IRAK2: variants seen among roughly 807,000 people sequenced by gnomAD.
IRAK2 encodes interleukin 1 receptor associated kinase 2, also known as interleukin-1 receptor-associated kinase-like 2.
IRAK2 carries 57 observed loss-of-function variants against 72.0 expected under a neutral mutation model. The ratio of observed to expected loss-of-function variants is 0.79; its 90% CI spans 0.64 to 0.99. IRAK2 has a LOEUF of 0.99. Ranked by LOEUF, IRAK2 falls within the 50% of genes least tolerant of loss-of-function variation. IRAK2 has a pLI of 0.00. For synonymous variants in IRAK2, 293 were observed against 312.7 expected (o/e 0.94, Z 0.67); for missense variants, 790 against 794.4 (o/e 0.99, Z 0.07).
chr3:10,214,407 T>TC (rs1204608357), intron 6 of IRAK2, among the ~76,000 whole-genome samples: 3 of 147,310 alleles, frequency 2.0e-5, no homozygotes, highest in African/African-American at 7.6e-5. Flanking sequence ...TTTTTTTTTT[T>TC]TTTTGTAGAG....
At chr3:10,191,783 G>GCAC (rs1697179427) in intron 2 of IRAK2, among the ~76,000 whole-genome samples, 1 of 152,254 alleles carries the variant, frequency 6.6e-6, no homozygotes, top group Admixed American at 6.5e-5. Context: ...TCAGCATAGA[G>GCAC]CACCTCCCAG....
At chr3:10,217,206 G>C (rs1314841087) in intron 7 of IRAK2, among the ~76,000 whole-genome samples, 158 bp downstream of exon 7, 1 of 152,138 alleles carries the variant, frequency 6.6e-6, no homozygotes, top group Non-Finnish European at 1.5e-5. Flanking sequence ...CATAAGATCT[G>C]GTTAAGTGCT....
chr3:10,167,287 T>C (rs1349413773), intron 1 of IRAK2, among the ~76,000 whole-genome samples: 1 of 152,204 alleles, frequency 6.6e-6, no homozygotes, highest in Non-Finnish European at 1.5e-5. Flanking sequence ...TCCATTTTCC[T>C]GAGTTTTAGA....
Position 10,222,785 on chromosome 3 carries a change from G to A in IRAK2, c.1163G>A (p.Arg388Gln), listed in dbSNP as rs769170523. The A allele has an allele frequency of 8.7e-6, 14 of 1,614,060 alleles. No individual in the cohort carries two copies. Among genetic ancestry groups the A allele is most frequent in the African/African-American group, 6.7e-5 (5 of 74,916 alleles). Residue 388 changes from arginine to glutamine, a missense_variant, in exon 9 of 13, where the codon CGG (arginine) becomes CAG (glutamine). Coordinates refer to ENST00000256458, the MANE Select transcript of IRAK2 (RefSeq NM_001570.4). The part of the protein sequence containing the change: ...SAAYLPEDFI[R>Q]VGQLTKRVDI... The stretch of plus-strand genomic sequence containing the variant: ...GCGTATCTGCCAGAGGATTTCATCC[G>A]GGTGGGGCAGCTGACAAAGCGAGTG...
intron 2 of IRAK2, among the ~76,000 whole-genome samples, chr3:10,187,019 T>C (rs1189582706): frequency 6.6e-6 from 1 of 150,862 alleles, no homozygotes; most frequent in Non-Finnish European, 1.5e-5. Flanking sequence ...CCTTAGTGGC[T>C]GAGCATCCCT....
At chr3:10,222,942 TACA>T in intron 9 of IRAK2, 111 bp downstream of exon 9, 1 of 988,404 alleles carries the variant, frequency 1.0e-6, no homozygotes, top group Non-Finnish European at 1.5e-6. Flanking sequence ...TCCATCAAAG[TACA>T]ACAGGGGCTG....
chr3:10,213,234 G>T lies in IRAK2; in HGVS notation c.556G>T (p.Glu186Ter). Residue 186 changes from glutamate to a stop codon, truncating the protein, a stop_gained, in exon 5 of 13, where the codon GAA becomes TAA. Transcript: ENST00000256458. LOFTEE classifies it high-confidence loss of function. The stretch of plus-strand genomic sequence containing the variant: ...CTTCAGCACCTCCATTCCTAAGCAG[G>T]AAAAACTTTTGAGCTTGGCTGGAGA... ...KDFSTSIPKQEKLLSLAGDSL... is the reference protein window; with the variant it reads ...KDFSTSIPKQ 1 of 1,614,070 alleles carries T rather than the reference G, an allele frequency of 6.2e-7. No homozygotes were observed. The highest frequency in any genetic ancestry group is 1.6e-4 in the Middle Eastern group (1 of 6,062).
chr3:10,188,259 G>A (rs1013714729), intron 2 of IRAK2, among the ~76,000 whole-genome samples: 1 of 152,194 alleles, frequency 6.6e-6, no homozygotes. Flanking sequence ...CCTGTGAGGT[G>A]AAATTCTCCC....
chr3:10,185,331 G>A (rs1171091484), intron 2 of IRAK2, among the ~76,000 whole-genome samples: 1 of 150,688 alleles, frequency 6.6e-6, no homozygotes, highest in Non-Finnish European at 1.5e-5. Context: ...GCCCAGGCAG[G>A]CGGATCACCT....
At chr3:10,210,588 A>G (rs1697502428) in intron 4 of IRAK2, among the ~76,000 whole-genome samples, 1 of 151,888 alleles carries the variant, frequency 6.6e-6, no homozygotes, top group African/African-American at 2.4e-5. Context: ...GAGTGTGGTT[A>G]ATGAAGCTCT....
intron 2 of IRAK2, among the ~76,000 whole-genome samples, chr3:10,186,145 C>T (rs974635019): frequency 3.3e-5 from 5 of 151,504 alleles, no homozygotes; most frequent in Admixed American, 1.3e-4. Flanking sequence ...GGAGCTTCCA[C>T]GTTCATTATT....
intron 11 of IRAK2, among the ~76,000 whole-genome samples, chr3:10,236,136 C>T (rs1390963912): frequency 2.6e-5 from 4 of 151,902 alleles, no homozygotes; most frequent in Admixed American, 6.6e-5. Flanking sequence ...TTTAAGCACA[C>T]GAAGAGCAAT....
At chr3:10,226,945 C>CAAAA (rs200295331) in intron 10 of IRAK2, among the ~76,000 whole-genome samples, 4 of 96,806 alleles carry the variant, frequency 4.1e-5, no homozygotes, top group Non-Finnish European at 8.5e-5. Flanking sequence ...GACTCCATCT[C>CAAAA]AAAAAAAAAA....
intron 2 of IRAK2, among the ~76,000 whole-genome samples, chr3:10,192,475 G>A (rs1029023380): frequency 1.3e-5 from 2 of 152,220 alleles, no homozygotes; most frequent in Non-Finnish European, 2.9e-5. Flanking sequence ...TTCTCCTGAA[G>A]GAACTGGGCC....
chr3:10,218,423 CAAAA>C, intron 7 of IRAK2, among the ~76,000 whole-genome samples: 1 of 49,308 alleles, frequency 2.0e-5, no homozygotes, highest in South Asian at 7.1e-4. Context: ...GACTCCGTCT[CAAAA>C]AAAAAAAAAA....
At chr3:10,203,751 C>G (rs1697398204) in intron 3 of IRAK2, among the ~76,000 whole-genome samples, 1 of 152,234 alleles carries the variant, frequency 6.6e-6, no homozygotes, top group Admixed American at 6.5e-5. Flanking sequence ...CCTGCCTCAG[C>G]CTCCCGAGTA....
At chr3:10,178,066 G>A (rs1368498498) in intron 2 of IRAK2, 46 bp downstream of exon 2, 1 of 1,482,506 alleles carries the variant, frequency 6.7e-7, no homozygotes. Context: ...TCACGCTCCT[G>A]AGCAGTTTCC....
chr3:10,176,661 T>C (rs1200885317), intron 1 of IRAK2, among the ~76,000 whole-genome samples: 1 of 147,784 alleles, frequency 6.8e-6, no homozygotes, highest in Non-Finnish European at 1.5e-5. Flanking sequence ...GTATTTTTAG[T>C]AGAGACGAGG....
chr3:10,203,281 G>A (rs1402005089), intron 3 of IRAK2, among the ~76,000 whole-genome samples: 1 of 152,228 alleles, frequency 6.6e-6, no homozygotes, highest in Non-Finnish European at 1.5e-5. Context: ...ACAGGCGTGA[G>A]CCACTGCACC....
Sources: allele counts gnomAD v4.1 joint callset (sites outside exome capture counted in the v4.1 genomes callset), GRCh38; gene constraint gnomAD v4.1.1; transcripts MANE v1.5; gene names NCBI Gene and HGNC (gene_info 2026-07-23, HGNC 2026-07-21).